IGF1R: variants seen among roughly 807,000 people sequenced by gnomAD.
The protein encoded by IGF1R is insulin like growth factor 1 receptor.
A neutral mutation model predicts 144.6 loss-of-function variants in IGF1R; 44 were observed. The observed-to-expected ratio is 0.30, with a 90% CI of 0.24 to 0.39. The LOEUF is 0.39. Ranked by LOEUF, IGF1R falls within the 10% of genes least tolerant of loss-of-function variation. The probability of loss-of-function intolerance (pLI) is 1.00; values close to 1 mark genes in which losing one functional copy is unlikely to be tolerated. For synonymous variants in IGF1R, 795 were observed against 722.8 expected (o/e 1.10, Z -1.60); for missense variants, 1,355 against 1,833.7 (o/e 0.74, Z 4.77).
chr15:98,917,472 G>A (rs1217732102), intron 10 of IGF1R, among the ~76,000 whole-genome samples: 1 of 152,232 alleles, frequency 6.6e-6, no homozygotes, highest in Non-Finnish European at 1.5e-5. Context: ...CCCTGCCCCA[G>A]GGACTCTGCT....
intron 2 of IGF1R, among the ~76,000 whole-genome samples, chr15:98,712,955 T>C (rs544809105): frequency 6.7e-6 from 1 of 150,022 alleles, no homozygotes; most frequent in East Asian, 2.0e-4. Context: ...CCTGAAATCC[T>C]GTAGCAAGTC....
chr15:98,874,271 A>T (rs1394645256), intron 2 of IGF1R, among the ~76,000 whole-genome samples: 1 of 152,182 alleles, frequency 6.6e-6, no homozygotes, highest in Non-Finnish European at 1.5e-5. Context: ...GTTTATTTAG[A>T]TAGGAGTAAG....
rs139574777 is a variant in IGF1R, at chr15:98,782,776, A to G, written c.640+74669A>G. On this transcript the variant is annotated intron_variant, in intron 2 of 20. Transcript: ENST00000650285. ...TGTTCCTTCAGAAAGTTGCTCAATA[A>G]TAGACTTAGAAATTCTTTTGTGCTA... 2.0e-3 allele frequency among the ~76,000 whole-genome samples: 307 copies of G among 152,336 alleles called. 6 individuals carry two copies. In the East Asian group the frequency reaches 0.05, roughly 25 times the overall value.
At chr15:98,894,110 T>G (rs945022068) in intron 3 of IGF1R, among the ~76,000 whole-genome samples, 2 of 152,100 alleles carry the variant, frequency 1.3e-5, no homozygotes, top group Non-Finnish European at 2.9e-5. Context: ...ACTCTGGCTG[T>G]GTCACCCAGG....
rs537973725 is a variant in IGF1R at position 98,653,318 on chromosome 15, T to C, written c.94+3643T>C. The stretch of plus-strand genomic sequence containing the variant: ...TAGGAGCTGAGTCTGAAGGGCTGTT[T>C]GTATTTCCAGTTTTATTATGTTTTC... On this transcript the variant is annotated intron_variant, in intron 1 of 20. Transcript: ENST00000650285. Among the ~76,000 whole-genome samples, 225 of 152,360 alleles carry C rather than the reference T, an allele frequency of 1.5e-3. 2 individuals carry two copies. Among genetic ancestry groups the C allele is most frequent in the Admixed American group, 4.5e-3 (69 of 15,306 alleles).
intron 2 of IGF1R, among the ~76,000 whole-genome samples, chr15:98,733,044 G>A (rs2054529245): frequency 6.6e-6 from 1 of 152,182 alleles, no homozygotes; most frequent in Non-Finnish European, 1.5e-5. Flanking sequence ...GATTCTATAA[G>A]GAGTAGCTGC....
At chr15:98,860,636 C>A (rs1192804377) in intron 2 of IGF1R, among the ~76,000 whole-genome samples, 2 of 152,204 alleles carry the variant, frequency 1.3e-5, no homozygotes, top group Non-Finnish European at 2.9e-5. Context: ...ATGCATAATA[C>A]AGTGATACCC....
intron 2 of IGF1R, among the ~76,000 whole-genome samples, chr15:98,796,535 TGA>T (rs1228169423): frequency 6.6e-6 from 1 of 152,200 alleles, no homozygotes; most frequent in Non-Finnish European, 1.5e-5. Context: ...TACCTTCTAA[TGA>T]GCATACTTTT....
intron 2 of IGF1R, among the ~76,000 whole-genome samples, chr15:98,869,231 T>TA (rs2012636235): frequency 6.6e-6 from 1 of 152,170 alleles, no homozygotes; most frequent in African/African-American, 2.4e-5. Context: ...TTATTGGACT[T>TA]ACTTGCTTTC....
At position 98,963,917 on chromosome 15, in the gene IGF1R, A is replaced by C. The variant is rs1187511052; in HGVS notation, c.*6475A>C. ...AACTCCACAATATCTCTATCATGGG[A>C]AACACCTGGGGTTTTTGCGCTACAT... On this transcript the variant is annotated 3_prime_UTR_variant, in exon 21 of 21. Transcript: ENST00000650285. 4 of 233,224 alleles carry C rather than the reference A, an allele frequency of 1.7e-5. No individual in the cohort carries two copies. The highest frequency in any genetic ancestry group is 8.8e-5 in the African/African-American group (4 of 45,364). The allele number at this position is 233,224 out of a possible 1,614,324, so 14.4% of individuals were successfully genotyped here.
At chr15:98,856,191 TG>T (rs561353205) in intron 2 of IGF1R, among the ~76,000 whole-genome samples, 62 of 152,346 alleles carry the variant, frequency 4.1e-4, no homozygotes, top group African/African-American at 1.4e-3. Context: ...AACTAAGCTC[TG>T]GGGCTGCAAA....
Position 98,649,617 on chromosome 15 carries a change from G to A in IGF1R, c.36G>A (p.Ser12=), listed in dbSNP as rs2052296947. The change falls in exon 1 of 21, where the codon TCG becomes TCA. Residue 12 remains serine (S), a synonymous_variant. Transcript: ENST00000650285. ...GCTCCGGAGGAGGGTCCCCGACCTCGCTGTGGGGGCTCCTGTTTCTCTCCG... is the reference window on the plus strand; with the variant it reads ...GCTCCGGAGGAGGGTCCCCGACCTCACTGTGGGGGCTCCTGTTTCTCTCCG... ...KSGSGGGSPT[S]LWGLLFLSAA... 1 of 1,607,430 alleles carries A rather than the reference G, an allele frequency of 6.2e-7. No individual in the cohort carries two copies. The highest frequency in any genetic ancestry group is 8.5e-7 in the Non-Finnish European group (1 of 1,178,302).
chr15:98,883,424 C>T (rs1390964760), intron 2 of IGF1R, among the ~76,000 whole-genome samples: 1 of 152,184 alleles, frequency 6.6e-6, no homozygotes, highest in African/African-American at 2.4e-5. Flanking sequence ...CCTCGTGGGT[C>T]TAAGCATTTT....
chr15:98,822,601 G>A (rs146526782), intron 2 of IGF1R, among the ~76,000 whole-genome samples: 306 of 152,204 alleles, frequency 2.0e-3, no homozygotes, highest in African/African-American at 7.1e-3. Context: ...TTATTCATTC[G>A]CTCATCCATT....
chr15:98,782,372 A>G (rs984392324), intron 2 of IGF1R, among the ~76,000 whole-genome samples: 2 of 152,168 alleles, frequency 1.3e-5, no homozygotes, highest in African/African-American at 2.4e-5. Context: ...TTTTTTTACA[A>G]TGAAAATACA....
In IGF1R at chr15:98,963,415, G is replaced by T. The variant is rs2017304867; in HGVS notation, c.*5973G>T. ...TGGTCTTCCAGAACCCTCTGGTTGG[G>T]AAGGGGATCATTTTTTACTGGTCAT... On this transcript the variant is annotated 3_prime_UTR_variant, in exon 21 of 21. Transcript: ENST00000650285. The T allele has an allele frequency of 4.3e-6, 1 of 233,292 alleles. No individual in the cohort carries two copies. The highest frequency in any genetic ancestry group is 8.5e-6 in the Non-Finnish European group (1 of 118,058). 14.5% of individuals were successfully genotyped at this position (233,292 alleles called of 1,614,324 possible). A position where few individuals can be genotyped will look rare whatever the true frequency, so the allele number is the denominator to read the frequency against.
intron 15 of IGF1R, 107 bp from the exon 16 acceptor site, chr15:98,934,717 G>A: frequency 5.5e-6 from 5 of 915,572 alleles, no homozygotes; most frequent in Non-Finnish European, 8.9e-6. Context: ...ATTCTCTGTG[G>A]GTTTAAGGAA....
intron 2 of IGF1R, among the ~76,000 whole-genome samples, chr15:98,868,840 A>G (rs1439383919): frequency 6.6e-6 from 1 of 152,182 alleles, no homozygotes; most frequent in Non-Finnish European, 1.5e-5. Context: ...ACTACTAAAC[A>G]TTCATTCTTC....
At chr15:98,876,006 A>G (rs1284098373) in intron 2 of IGF1R, among the ~76,000 whole-genome samples, 1 of 152,186 alleles carries the variant, frequency 6.6e-6, no homozygotes, top group East Asian at 1.9e-4. Flanking sequence ...TAAAACTGTA[A>G]GTGATGTTGG....
Sources: gnomAD v4.1 joint callset for allele counts (sites outside exome capture counted in the v4.1 genomes callset) on GRCh38, gnomAD v4.1.1 for gene constraint, MANE v1.5 for transcripts, NCBI Gene and HGNC (gene_info 2026-07-23, HGNC 2026-07-21) for gene names.